The following CSMD2 variants were observed in gnomAD, a reference collection of about 807,000 sequenced individuals.
CSMD2 encodes CUB and Sushi multiple domains 2, also known as CUB and sushi domain-containing protein 2.
In CSMD2, 130 loss-of-function variants were observed where a neutral mutation model predicts 398.5. The observed-to-expected ratio is 0.33, with a 90% CI of 0.28 to 0.38. The LOEUF (loss-of-function observed/expected upper bound fraction) is 0.38. Ranked by LOEUF, CSMD2 falls within the 10% of genes least tolerant of loss-of-function variation. The pLI, the probability that CSMD2 is intolerant of heterozygous loss-of-function variation, is 1.00. For missense variants in CSMD2, 3,829 were observed against 4,764.9 expected (o/e 0.80, Z 5.78); for synonymous variants, 1,828 against 1,908.5 (o/e 0.96, Z 1.10).
At chr1:33,846,171 C>T (rs1661336331) in intron 6 of CSMD2, among the ~76,000 whole-genome samples, 1 of 152,218 alleles carries the variant, frequency 6.6e-6, no homozygotes, top group Admixed American at 6.5e-5. Flanking sequence ...CAGACAGCTC[C>T]TTGCTTCTGG....
At chr1:33,942,522 T>C (rs1054898685) in intron 3 of CSMD2, among the ~76,000 whole-genome samples, 2 of 152,238 alleles carry the variant, frequency 1.3e-5, no homozygotes, top group African/African-American at 4.8e-5. Flanking sequence ...GCCCTAACCA[T>C]TGTCAGGCAG....
chr1:33,764,148 C>G (rs1650186917), intron 13 of CSMD2, among the ~76,000 whole-genome samples: 1 of 152,186 alleles, frequency 6.6e-6, no homozygotes, highest in Admixed American at 6.5e-5. Flanking sequence ...ATGACCCATA[C>G]TGGCCTGGTA....
chr1:33,685,568 T>G (rs1056547159), intron 25 of CSMD2, among the ~76,000 whole-genome samples: 7 of 152,334 alleles, frequency 4.6e-5, no homozygotes, highest in Admixed American at 2.0e-4. Flanking sequence ...GCCTTCAGTG[T>G]GTAAAGACTC....
At chr1:33,768,341 G>A (rs185728230) in intron 13 of CSMD2, among the ~76,000 whole-genome samples, 6 of 152,174 alleles carry the variant, frequency 3.9e-5, no homozygotes, top group Admixed American at 2.6e-4. Flanking sequence ...TGTGTGGGGC[G>A]GGTGCTACTG....
intron 9 of CSMD2, among the ~76,000 whole-genome samples, chr1:33,812,196 A>G (rs143570352): frequency 6.6e-6 from 1 of 152,192 alleles, no homozygotes; most frequent in Non-Finnish European, 1.5e-5. Flanking sequence ...AGTGTCTGAC[A>G]TAGCCCCTCC....
chr1:33,971,570 A>T (rs929319528), intron 3 of CSMD2, among the ~76,000 whole-genome samples: 1 of 152,200 alleles, frequency 6.6e-6, no homozygotes, highest in South Asian at 2.1e-4. Flanking sequence ...GCAGCTTCCG[A>T]GCAGCTCTTG....
intron 1 of CSMD2, among the ~76,000 whole-genome samples, chr1:34,153,306 C>T (rs948342849): frequency 3.9e-5 from 6 of 152,220 alleles, no homozygotes; most frequent in East Asian, 1.9e-4. Context: ...TGTGAGCCAG[C>T]GCACCTGGCC....
intron 15 of CSMD2, among the ~76,000 whole-genome samples, chr1:33,734,241 G>A (rs995467656): frequency 1.2e-4 from 18 of 151,056 alleles, no homozygotes; most frequent in African/African-American, 4.4e-4. Flanking sequence ...ATGTGGATGT[G>A]TTTATACCAA....
At chr1:33,759,799 T>C (rs1436877111) in intron 13 of CSMD2, among the ~76,000 whole-genome samples, 1 of 152,206 alleles carries the variant, frequency 6.6e-6, no homozygotes, top group East Asian at 1.9e-4. Flanking sequence ...ACGTAACATA[T>C]TGCCCAAACT....
intron 3 of CSMD2, among the ~76,000 whole-genome samples, chr1:33,968,745 G>A (rs905921715): frequency 1.3e-5 from 2 of 152,192 alleles, no homozygotes; most frequent in Non-Finnish European, 2.9e-5. Context: ...GGACCCACAA[G>A]GCCATACCCA....
At chr1:33,849,651 A>C (rs552577412) in intron 5 of CSMD2, among the ~76,000 whole-genome samples, 1 of 152,288 alleles carries the variant, frequency 6.6e-6, no homozygotes, top group Non-Finnish European at 1.5e-5. Flanking sequence ...ATTTACAGCC[A>C]GTCACAGTGG....
chr1:33,579,033 C>T (rs911137754), intron 48 of CSMD2, among the ~76,000 whole-genome samples: 7 of 152,154 alleles, frequency 4.6e-5, no homozygotes, highest in African/African-American at 9.7e-5. Context: ...CTCATCTACT[C>T]GATCTGAATT....
intron 1 of CSMD2, among the ~76,000 whole-genome samples, chr1:34,101,103 T>A (rs894352464): frequency 1.3e-5 from 2 of 152,264 alleles, no homozygotes; most frequent in Non-Finnish European, 1.5e-5. Context: ...TGTCCTTTCA[T>A]GCCCATGAAA....
chr1:33,532,415 C>T (rs977295009), intron 64 of CSMD2, among the ~76,000 whole-genome samples: 1 of 152,196 alleles, frequency 6.6e-6, no homozygotes, highest in African/African-American at 2.4e-5. Flanking sequence ...TCCTTTCCCT[C>T]AAGACTGGAC....
chr1:33,968,014 C>T (rs758574587), intron 3 of CSMD2, among the ~76,000 whole-genome samples: 32 of 152,132 alleles, frequency 2.1e-4, no homozygotes, highest in Non-Finnish European at 3.1e-4. Flanking sequence ...CCCATCTCCG[C>T]GACTATTTTC....
chr1:34,118,629 G>A (rs1174105897), intron 1 of CSMD2, among the ~76,000 whole-genome samples: 4 of 152,154 alleles, frequency 2.6e-5, no homozygotes, highest in South Asian at 2.1e-4. Context: ...CTAAAAAGGA[G>A]ATTTGTTTTG....
chr1:34,138,624 ATG>A (rs550283117), intron 1 of CSMD2, among the ~76,000 whole-genome samples: 5 of 152,178 alleles, frequency 3.3e-5, no homozygotes, highest in African/African-American at 4.8e-5. Flanking sequence ...GGTTGACTAC[ATG>A]TCTGATTATT....
At chr1:34,054,524 A>G (rs1653596314) in intron 2 of CSMD2, among the ~76,000 whole-genome samples, 1 of 152,120 alleles carries the variant, frequency 6.6e-6, no homozygotes, top group Non-Finnish European at 1.5e-5. Flanking sequence ...GATCGAGACC[A>G]TCCTGGCTAA....
chr1:34,027,864 AGACAGCCCTACATGG>A (rs1649865176), intron 3 of CSMD2, among the ~76,000 whole-genome samples: 1 of 151,802 alleles, frequency 6.6e-6, no homozygotes, highest in East Asian at 1.9e-4. Context: ...CTACATGGGC[AGACAGCCCTACATGG>A]GCAGAGCAGG....
Sources: gnomAD v4.1 joint callset for allele counts (sites outside exome capture counted in the v4.1 genomes callset) on GRCh38, gnomAD v4.1.1 for gene constraint, MANE v1.5 for transcripts, NCBI Gene and HGNC (gene_info 2026-07-23, HGNC 2026-07-21) for gene names.